Variants in CORO2B observed in about 807,000 individuals in gnomAD.
The protein encoded by CORO2B is coronin-2B.
A neutral mutation model predicts 58.8 loss-of-function variants in CORO2B; 26 were observed. The observed-to-expected ratio is 0.44, with a 90% CI of 0.32 to 0.61. The LOEUF is 0.61. CORO2B is among the 20% of genes least tolerant of loss of function. The probability of loss-of-function intolerance (pLI) is 0.04; values close to 1 mark genes in which losing one functional copy is unlikely to be tolerated. For synonymous variants in CORO2B, 242 were observed against 253.8 expected (o/e 0.95, Z 0.44); for missense variants, 460 against 645.1 (o/e 0.71, Z 3.11).
At chr15:68,718,397 C>T (rs1026643712) in intron 8 of CORO2B, among the ~76,000 whole-genome samples, 2 of 152,224 alleles carry the variant, frequency 1.3e-5, no homozygotes, top group Non-Finnish European at 2.9e-5. Context: ...TCTGGACCCT[C>T]ATCTAGAAAA....
At chr15:68,570,799 GTTTTTTTTTTTTTTTT>G in the CORO2B span, among the ~76,000 whole-genome samples, 731 of 78,780 alleles carry the variant, frequency 9.3e-3, 8 homozygotes, top group Non-Finnish European at 0.011. Context: ...ACTACACGTA[GTTTTTTTTTTTTTTTT>G]TTTTTTTTTT....
chr15:68,619,208 T>G (rs2140250524), intron 1 of CORO2B, among the ~76,000 whole-genome samples: 1 of 152,328 alleles, frequency 6.6e-6, no homozygotes, highest in Middle Eastern at 3.4e-3. Context: ...TGTGTTACTC[T>G]TCCAGGGAGC....
At chr15:68,722,176 G>C (rs1362862958) in intron 11 of CORO2B, among the ~76,000 whole-genome samples, 1 of 152,188 alleles carries the variant, frequency 6.6e-6, no homozygotes, top group Non-Finnish European at 1.5e-5. Flanking sequence ...GAGAAGGCAG[G>C]GTTGAATAGT....
At chr15:68,579,368 G>A in intron 1 of CORO2B, 91 bp downstream of exon 1, 1 of 1,166,992 alleles carries the variant, frequency 8.6e-7, no homozygotes, top group Non-Finnish European at 1.1e-6. Context: ...TGGGTGTGGG[G>A]AGGGGGCGCC....
the CORO2B span, among the ~76,000 whole-genome samples, chr15:68,519,837 C>T: frequency 7.9e-5 from 12 of 152,224 alleles, no homozygotes; most frequent in Admixed American, 6.5e-5. Flanking sequence ...GCATAGCAAG[C>T]ATAGCTTTAG....
the CORO2B span, among the ~76,000 whole-genome samples, chr15:68,540,401 T>G: frequency 6.6e-6 from 1 of 152,260 alleles, no homozygotes; most frequent in Non-Finnish European, 1.5e-5. Flanking sequence ...TTGGCAGCAA[T>G]GATTGTCAAT....
chr15:68,556,376 C>T, the CORO2B span, among the ~76,000 whole-genome samples: 1 of 152,134 alleles, frequency 6.6e-6, no homozygotes, highest in South Asian at 2.1e-4. Flanking sequence ...TCTCCATTCT[C>T]AAGCCAGGCA....
chr15:68,643,574 C>T (rs1015349498), intron 1 of CORO2B, among the ~76,000 whole-genome samples: 6 of 152,092 alleles, frequency 3.9e-5, no homozygotes, highest in Admixed American at 2.6e-4. Context: ...GGAGGGCAAC[C>T]TTGGGAAGTG....
chr15:68,610,512 C>A (rs989206907), intron 1 of CORO2B, among the ~76,000 whole-genome samples: 6 of 152,020 alleles, frequency 3.9e-5, no homozygotes, highest in Admixed American at 1.3e-4. Context: ...GCTCACATCC[C>A]CTCCCTCATA....
At chr15:68,681,595 G>A (rs1902788293) in intron 2 of CORO2B, among the ~76,000 whole-genome samples, 1 of 152,266 alleles carries the variant, frequency 6.6e-6, no homozygotes, top group South Asian at 2.1e-4. Context: ...TCACACTTGA[G>A]AAGTGTGACC....
chr15:68,648,074 T>C (rs1339706458), intron 2 of CORO2B, among the ~76,000 whole-genome samples: 1 of 146,932 alleles, frequency 6.8e-6, no homozygotes, highest in Non-Finnish European at 1.5e-5. Context: ...GGCTCACGCC[T>C]ATAATCCCAG....
At chr15:68,650,378 AAAAAAAAAAAAAAAAAAAAAAAAAAAAAT>A (rs1901603609) in intron 2 of CORO2B, among the ~76,000 whole-genome samples, 1 of 23,664 alleles carries the variant, frequency 4.2e-5, no homozygotes, top group African/African-American at 2.1e-4. Flanking sequence ...AAAAAAAAAA[AAAAAAAAAAAAAAAAAAAAAAAAAAAAAT>A]GGAGACATTC....
intron 2 of CORO2B, among the ~76,000 whole-genome samples, chr15:68,691,624 C>CAGAAAAAAAAA (rs1892375503): frequency 3.9e-5 from 1 of 25,756 alleles, no homozygotes; most frequent in Non-Finnish European, 7.3e-5. Context: ...GACTCCGTCT[C>CAGAAAAAAAAA]AAAAAAAAAA....
the CORO2B span, among the ~76,000 whole-genome samples, chr15:68,545,672 C>G: frequency 1.3e-5 from 2 of 150,714 alleles, no homozygotes; most frequent in Non-Finnish European, 2.9e-5. Flanking sequence ...TTTGAAGGAG[C>G]CAAAGGGGCC....
chr15:68,645,379 C>T lies in CORO2B; in HGVS notation c.216+19C>T. On this transcript the variant is annotated intron_variant, in intron 2 of 11. Transcript: ENST00000261861. The surrounding 1 kb of genome is among the most constrained non-coding windows in gnomAD (Gnocchi z 4.5). ...GGAGCAGGTAGGTGGCCCCTACCTT[C>T]ACTCCAGCTGCAGCTCCAGGGCAGA... The T allele has an allele frequency of 6.2e-7, 1 of 1,606,610 alleles. No homozygotes were observed. The highest frequency in any genetic ancestry group is 8.5e-7 in the Non-Finnish European group (1 of 1,178,678).
At chr15:68,627,768 T>G (rs908546594) in intron 1 of CORO2B, among the ~76,000 whole-genome samples, 1 of 152,110 alleles carries the variant, frequency 6.6e-6, no homozygotes, top group Non-Finnish European at 1.5e-5. Context: ...CTCATCTCCC[T>G]CTGTCTGCTT....
chr15:68,646,574 G>A (rs1386377584), intron 2 of CORO2B, among the ~76,000 whole-genome samples: 1 of 152,230 alleles, frequency 6.6e-6, no homozygotes, highest in Non-Finnish European at 1.5e-5. Flanking sequence ...CTGATGCACA[G>A]AGAGGTCCAA....
At chr15:68,574,377 T>C (rs1039294836), upstream of CORO2B, among the ~76,000 whole-genome samples, 5 of 152,144 alleles carry the variant, frequency 3.3e-5, no homozygotes, top group Non-Finnish European at 5.9e-5. Flanking sequence ...GGAATCTCCC[T>C]GTGGCCTCTG....
At chr15:68,519,319 A>G in the CORO2B span, among the ~76,000 whole-genome samples, 2 of 152,318 alleles carry the variant, frequency 1.3e-5, no homozygotes, top group Middle Eastern at 3.4e-3. Context: ...GAAAAAGAGG[A>G]AATAGGGCAA....
Sources: allele counts gnomAD v4.1 joint callset (sites outside exome capture counted in the v4.1 genomes callset), GRCh38; gene constraint gnomAD v4.1.1; non-coding constraint Gnocchi (gnomAD v3.1); transcripts MANE v1.5; gene names NCBI Gene and HGNC (gene_info 2026-07-23, HGNC 2026-07-21).